Variants in TP63 observed in about 807,000 individuals in gnomAD.
TP63 encodes the protein tumor protein 63.
TP63 carries 17 observed loss-of-function variants against 82.8 expected under a neutral mutation model. The observed-to-expected ratio is 0.21, with a 90% CI of 0.14 to 0.31. The LOEUF (loss-of-function observed/expected upper bound fraction) is 0.31, where lower values mean the gene tolerates loss of function less well. TP63 is among the 10% of genes least tolerant of loss of function. TP63 has a pLI of 1.00. For synonymous variants in TP63, 330 were observed against 321.7 expected (o/e 1.03, Z -0.28); for missense variants, 648 against 895.3 (o/e 0.72, Z 3.52).
chr3:189,720,101 C>G (rs1719267385), intron 1 of TP63, among the ~76,000 whole-genome samples: 2 of 152,154 alleles, frequency 1.3e-5, no homozygotes, highest in Admixed American at 1.3e-4. Context: ...CCCCAGCAAG[C>G]TCGGCCCACA....
At chr3:189,850,221 G>A (rs1302772030) in intron 4 of TP63, among the ~76,000 whole-genome samples, 1 of 152,064 alleles carries the variant, frequency 6.6e-6, no homozygotes, top group African/African-American at 2.4e-5. Flanking sequence ...GGTGGGTGTT[G>A]CAGGGAGCCA....
At chr3:189,728,856 T>A (rs1389331751) in intron 1 of TP63, among the ~76,000 whole-genome samples, 1 of 152,132 alleles carries the variant, frequency 6.6e-6, no homozygotes, top group African/African-American at 2.4e-5. Context: ...AATTACTTCC[T>A]CCTGGTCCTG....
chr3:189,620,971 C>T, the TP63 span, among the ~76,000 whole-genome samples: 603 of 152,268 alleles, frequency 4.0e-3, 7 homozygotes, highest in African/African-American at 0.013. Flanking sequence ...TCATCTATTA[C>T]GCACACCTTT....
chr3:189,845,606 G>T (rs184091809), intron 4 of TP63, among the ~76,000 whole-genome samples: 1 of 151,456 alleles, frequency 6.6e-6, no homozygotes, highest in South Asian at 2.1e-4. Flanking sequence ...TAATATGTTC[G>T]TTGGTGTATT....
intron 4 of TP63, among the ~76,000 whole-genome samples, chr3:189,839,889 G>C (rs1200235121): frequency 1.3e-5 from 2 of 152,190 alleles, no homozygotes; most frequent in Admixed American, 1.3e-4. Context: ...CAGGGGAGGA[G>C]CAAGGGTGCT....
rs1222393298 is a variant in TP63, at chr3:189,880,191, A to G, written c.1350-6203A>G. On this transcript the variant is annotated intron_variant, in intron 10 of 13. Transcript: ENST00000264731. The stretch of plus-strand genomic sequence containing the variant: ...AGTGTACCCATAGAGCCCTATCTCT[A>G]TATTTTAAGTGTGTGTGTTGTATTT... 3.7e-6 allele frequency: 6 copies of G among 1,610,512 alleles called. No homozygotes were observed. The East Asian group carries it at 6.7e-5, about 18-fold the overall frequency.
intron 3 of TP63, among the ~76,000 whole-genome samples, chr3:189,781,129 A>G (rs1229995777): frequency 6.6e-6 from 1 of 152,212 alleles, no homozygotes; most frequent in Non-Finnish European, 1.5e-5. Context: ...CAGACTAGAT[A>G]GCTATGTCAA....
At chr3:189,839,231 A>G (rs1713627729) in intron 4 of TP63, among the ~76,000 whole-genome samples, 1 of 152,176 alleles carries the variant, frequency 6.6e-6, no homozygotes, top group Admixed American at 6.5e-5. Context: ...TCAGAATAAC[A>G]GTGATTCTCA....
chr3:189,658,438 A>G lies in TP63; in HGVS notation c.62+26861A>G, dbSNP rs1306561100. 2.6e-5 allele frequency among the ~76,000 whole-genome samples: 4 copies of G among 152,130 alleles called. No homozygotes were observed. The South Asian group carries it at 8.3e-4, about 31-fold the overall frequency. ...AATACAGCATAGAAAGGGGAAAAAA[A>G]AGAAGAACTTAAAAGTGAGAAACTT... On this transcript the variant is annotated intron_variant, in intron 1 of 13. Transcript: ENST00000264731.
At chr3:189,780,278 A>G (rs1560178203) in intron 3 of TP63, among the ~76,000 whole-genome samples, 2 of 152,194 alleles carry the variant, frequency 1.3e-5, no homozygotes, top group Admixed American at 1.3e-4. Context: ...AATGCAGGAT[A>G]CATATCCTTA....
chr3:189,626,605 A>C (rs1446783513), upstream of TP63, among the ~76,000 whole-genome samples: 1 of 152,110 alleles, frequency 6.6e-6, no homozygotes, highest in African/African-American at 2.4e-5. Flanking sequence ...GGTTAACAGA[A>C]CCTTTATTTT....
intron 3 of TP63, among the ~76,000 whole-genome samples, chr3:189,803,220 C>T (rs138953622): frequency 6.6e-6 from 1 of 152,294 alleles, no homozygotes; most frequent in Non-Finnish European, 1.5e-5. Flanking sequence ...ATCTCTTGAA[C>T]CTGGGAGGCA....
At chr3:189,624,882 A>G in the TP63 span, among the ~76,000 whole-genome samples, 4 of 152,170 alleles carry the variant, frequency 2.6e-5, no homozygotes, top group African/African-American at 9.6e-5. Flanking sequence ...AAGCCATTCT[A>G]CACCAGGATG....
At chr3:189,894,089 G>T in intron 13 of TP63, 117 bp from the exon 14 acceptor site, 1 of 1,306,838 alleles carries the variant, frequency 7.7e-7, no homozygotes, top group Non-Finnish European at 1.1e-6. Context: ...CTAATTTGTG[G>T]ATCAATAGAT....
chr3:189,603,979 T>G, the TP63 span, among the ~76,000 whole-genome samples: 4 of 152,124 alleles, frequency 2.6e-5, no homozygotes, highest in Admixed American at 1.3e-4. Context: ...ATAATTTTAA[T>G]GAGACAATCT....
intron 1 of TP63, among the ~76,000 whole-genome samples, chr3:189,662,196 T>C (rs890380262): frequency 3.3e-5 from 5 of 152,060 alleles, no homozygotes; most frequent in African/African-American, 1.2e-4. Flanking sequence ...TCGAGGTAAG[T>C]GTTTAGCACT....
rs141109346 is a variant in TP63, at chr3:189,671,291, A to G, written c.62+39714A>G. ...CAAAAAATATAAGAAAAAATGGTCA[A>G]CATCACTAATCATCAGGGAAATGCA... On this transcript the variant is annotated intron_variant, in intron 1 of 13. Coordinates refer to ENST00000264731, the MANE Select transcript of TP63 (RefSeq NM_003722.5). Among the ~76,000 whole-genome samples the G allele has an allele frequency of 6.6e-5, 10 of 152,242 alleles. No homozygotes were observed. In the East Asian group the frequency reaches 1.9e-3, roughly 29 times the overall value.
chr3:189,627,052 G>C (rs911847689), upstream of TP63, among the ~76,000 whole-genome samples: 2 of 152,110 alleles, frequency 1.3e-5, no homozygotes, highest in African/African-American at 2.4e-5. Context: ...GGCTCAAAGA[G>C]AGTAGGCTAC....
chr3:189,729,945 T>C (rs1720040979), intron 1 of TP63, among the ~76,000 whole-genome samples: 2 of 152,178 alleles, frequency 1.3e-5, no homozygotes, highest in African/African-American at 4.8e-5. Context: ...GGAATAGTTA[T>C]AGTAATGGCA....
Sources: gnomAD v4.1 joint callset for allele counts (sites outside exome capture counted in the v4.1 genomes callset) on GRCh38, gnomAD v4.1.1 for gene constraint, MANE v1.5 for transcripts, NCBI Gene and HGNC (gene_info 2026-07-23, HGNC 2026-07-21) for gene names.